Variants in TMEM163 observed in about 807,000 individuals in gnomAD.
The protein encoded by TMEM163 is transmembrane protein 163.
In TMEM163, 17 loss-of-function variants were observed where a neutral mutation model predicts 29.3. That is an observed-to-expected ratio of 0.58 (90% CI 0.40 to 0.87). The LOEUF is 0.87. Among genes scored for constraint, TMEM163 ranks in the 40% least tolerant of loss-of-function variants. The pLI, the probability that TMEM163 is intolerant of heterozygous loss-of-function variation, is 0.00. For synonymous variants in TMEM163, 157 were observed against 160.6 expected, an observed-to-expected ratio of 0.98 and a Z score of 0.17; for missense variants, 303 against 381.5, an observed-to-expected ratio of 0.79 and a Z score of 1.71.
At chr2:134,690,110 T>C (rs147289000) in intron 2 of TMEM163, among the ~76,000 whole-genome samples, 218 of 152,200 alleles carry the variant, frequency 1.4e-3, no homozygotes, top group African/African-American at 4.7e-3. Flanking sequence ...TTTGTATTTT[T>C]AGTAGAGACA....
At chr2:134,530,724 T>C (rs753586543) in intron 4 of TMEM163, among the ~76,000 whole-genome samples, 9 of 152,216 alleles carry the variant, frequency 5.9e-5, no homozygotes, top group Non-Finnish European at 1.3e-4. Context: ...AACATATGCC[T>C]TCTTTGGAAC....
Position 134,614,729 on chromosome 2 carries a change from C to T in TMEM163, c.323-62638G>A, listed in dbSNP as rs183981957. On this transcript the variant is annotated intron_variant, in intron 2 of 7. Transcript: ENST00000281924. ...ATTAGCCAGGCTTGGTGCCACATGCCTGTAATCCCAGCTACCTGGGAGGCT... is the reference window on the plus strand; with the variant it reads ...ATTAGCCAGGCTTGGTGCCACATGCTTGTAATCCCAGCTACCTGGGAGGCT... Among the ~76,000 whole-genome samples the T allele has an allele frequency of 4.8e-3, 723 of 152,192 alleles. 5 individuals are homozygous for T. Among genetic ancestry groups the T allele is most frequent in the African/African-American group, 0.015 (617 of 41,520 alleles).
chr2:134,629,972 A>C (rs969642233), intron 2 of TMEM163, among the ~76,000 whole-genome samples: 11 of 152,224 alleles, frequency 7.2e-5, no homozygotes, highest in Non-Finnish European at 1.6e-4. Flanking sequence ...TAATTAGAGG[A>C]CATGATGAAT....
At chr2:134,613,292 T>C (rs115806252) in intron 2 of TMEM163, among the ~76,000 whole-genome samples, 1,960 of 152,280 alleles carry the variant, frequency 0.013, 20 homozygotes, top group Middle Eastern at 0.055. Flanking sequence ...TATTAACATA[T>C]GTGCAATAGG....
chr2:134,718,356 G>A lies in TMEM163; in HGVS notation c.202+378C>T, dbSNP rs555772400. ...ACGGAAAGGAGGATGCAACGAGCCT[G>A]GGTCCCTCCGAGCTGAGTAGGGCCC... On this transcript the variant is annotated intron_variant, in intron 1 of 7. Transcript: ENST00000281924. Among the ~76,000 whole-genome samples, 134 of 152,376 alleles carry A rather than the reference G, an allele frequency of 8.8e-4. 1 individual carries two copies. The highest frequency in any genetic ancestry group is 3.1e-3 in the African/African-American group (128 of 41,600).
intron 2 of TMEM163, among the ~76,000 whole-genome samples, chr2:134,698,982 G>C (rs559567690): frequency 3.3e-5 from 5 of 152,248 alleles, no homozygotes; most frequent in Admixed American, 2.6e-4. Flanking sequence ...TTAAACTAAA[G>C]GGTAACAACT....
intron 4 of TMEM163, among the ~76,000 whole-genome samples, chr2:134,530,288 T>A (rs111883074): frequency 6.6e-6 from 1 of 152,238 alleles, no homozygotes; most frequent in East Asian, 1.9e-4. Context: ...AATATATACA[T>A]TGAGACACGG....
intron 5 of TMEM163, among the ~76,000 whole-genome samples, chr2:134,484,446 A>T (rs1679268460): frequency 6.6e-6 from 1 of 152,298 alleles, no homozygotes; most frequent in Middle Eastern, 3.4e-3. Flanking sequence ...TGGGAGGCTG[A>T]AGAGGGAGGA....
intron 2 of TMEM163, among the ~76,000 whole-genome samples, chr2:134,646,041 T>C (rs972668636): frequency 3.3e-5 from 5 of 152,148 alleles, no homozygotes; most frequent in Admixed American, 2.0e-4. Context: ...ACTTACAGTA[T>C]CTGAGGATTA....
At chr2:134,520,196 C>T (rs778873292) in intron 4 of TMEM163, among the ~76,000 whole-genome samples, 4 of 152,186 alleles carry the variant, frequency 2.6e-5, no homozygotes, top group Non-Finnish European at 5.9e-5. Flanking sequence ...AAGACAGAAT[C>T]AAATCAATGT....
At chr2:134,562,602 A>G (rs1374057137) in intron 2 of TMEM163, among the ~76,000 whole-genome samples, 1 of 152,238 alleles carries the variant, frequency 6.6e-6, no homozygotes, top group Non-Finnish European at 1.5e-5. Context: ...AACAGAACAT[A>G]CTATGAAGAA....
chr2:134,674,335 C>T (rs1684057873), intron 2 of TMEM163, among the ~76,000 whole-genome samples: 1 of 140,482 alleles, frequency 7.1e-6, no homozygotes, highest in African/African-American at 2.7e-5. Flanking sequence ...AAAATAGAGT[C>T]ATTAATTTTT....
rs143380052 is a variant in TMEM163, at chr2:134,594,225, A to T, written c.323-42134T>A. ...AAGGAGGATGGGCCTGGAAAGAGTG[A>T]AGGAGAGACAGGGGGAGAGAAAGGG... On this transcript the variant is annotated intron_variant, in intron 2 of 7. Transcript: ENST00000281924. Among the ~76,000 whole-genome samples the T allele has an allele frequency of 1.4e-3, 204 of 149,974 alleles. 1 individual carries two copies. Among genetic ancestry groups the T allele is most frequent in the African/African-American group, 4.7e-3 (193 of 40,722 alleles).
chr2:134,597,086 C>T (rs888461573), intron 2 of TMEM163, among the ~76,000 whole-genome samples: 1 of 152,116 alleles, frequency 6.6e-6, no homozygotes. Flanking sequence ...TCCTCTTTTC[C>T]TAATTGAATA....
chr2:134,709,379 T>C (rs192677578), intron 2 of TMEM163, among the ~76,000 whole-genome samples: 1 of 152,314 alleles, frequency 6.6e-6, no homozygotes, highest in African/African-American at 2.4e-5. Flanking sequence ...CATTAAAAAA[T>C]AGTTCACATC....
chr2:134,598,073 A>G (rs1246176511), intron 2 of TMEM163, among the ~76,000 whole-genome samples: 2 of 152,126 alleles, frequency 1.3e-5, no homozygotes, highest in African/African-American at 4.8e-5. Flanking sequence ...TCCTGGATTC[A>G]TTGATGTTTT....
At chr2:134,526,314 T>TA (rs1049737426) in intron 4 of TMEM163, among the ~76,000 whole-genome samples, 2 of 152,178 alleles carry the variant, frequency 1.3e-5, no homozygotes, top group African/African-American at 4.8e-5. Context: ...CACCCAAGGT[T>TA]AAGTAAAATA....
At chr2:134,518,964 A>T (rs1207547166) in intron 4 of TMEM163, among the ~76,000 whole-genome samples, 6 of 152,226 alleles carry the variant, frequency 3.9e-5, no homozygotes, top group Non-Finnish European at 8.8e-5. Context: ...ACAAACTCAG[A>T]GTCTAACCAC....
At chr2:134,598,423 C>T (rs184239105) in intron 2 of TMEM163, among the ~76,000 whole-genome samples, 58 of 152,308 alleles carry the variant, frequency 3.8e-4, no homozygotes, top group Admixed American at 6.5e-4. Context: ...ATATAATTCT[C>T]ACAGCCATCG....
Sources: gnomAD v4.1 joint callset for allele counts (sites outside exome capture counted in the v4.1 genomes callset) on GRCh38, gnomAD v4.1.1 for gene constraint, MANE v1.5 for transcripts, NCBI Gene and HGNC (gene_info 2026-07-23, HGNC 2026-07-21) for gene names.